Variants in NDUFB5 observed in about 807,000 individuals in gnomAD.
NDUFB5 encodes NADH:ubiquinone oxidoreductase subunit B5.
Under a neutral mutation model 19.4 loss-of-function variants are expected in NDUFB5, and 19 were observed. The ratio of observed to expected loss-of-function variants is 0.98; its 90% CI spans 0.68 to 1.43. NDUFB5 has a LOEUF of 1.43. Ranked by LOEUF, NDUFB5 falls within the 40% of genes most tolerant of loss-of-function variation. The pLI, the probability that NDUFB5 is intolerant of heterozygous loss-of-function variation, is 0.00. For synonymous variants in NDUFB5, 80 were observed against 82.6 expected, an observed-to-expected ratio of 0.97 and a Z score of 0.17; for missense variants, 233 against 236.5, an observed-to-expected ratio of 0.99 and a Z score of 0.10.
rs1269287870 is a variant in NDUFB5 at position 179,625,485 on chromosome 3, G to A, written c.*1445G>A. 1.3e-5 allele frequency: 2 copies of A among 152,080 alleles called. No individual in the cohort carries two copies. The highest frequency in any genetic ancestry group is 4.8e-5 in the African/African-American group (2 of 41,418). 9.4% of individuals were successfully genotyped at this position (152,080 alleles called of 1,614,324 possible). Reference sequence around the variant, plus strand: ...TGCTATTTTGATACATGTATGCAAAGTATAATGGTCAAATCAGGGTATTTG... The same window carrying A: ...TGCTATTTTGATACATGTATGCAAAATATAATGGTCAAATCAGGGTATTTG... On this transcript the variant is annotated 3_prime_UTR_variant, in exon 6 of 6. Transcript: ENST00000259037.
chr3:179,605,162 A>G (rs1174437577), intron 1 of NDUFB5, among the ~76,000 whole-genome samples: 21 of 152,148 alleles, frequency 1.4e-4, no homozygotes, highest in Admixed American at 1.4e-3. Context: ...GTTATTCACC[A>G]TCCCAATTAA....
At chr3:179,623,156 C>T (rs1017640368) in intron 5 of NDUFB5, among the ~76,000 whole-genome samples, 1 of 152,190 alleles carries the variant, frequency 6.6e-6, no homozygotes, top group Non-Finnish European at 1.5e-5. Flanking sequence ...TGGTGATAGG[C>T]AGACACAAGA....
Position 179,624,402 on chromosome 3 carries a change from G to A in NDUFB5, c.*362G>A, listed in dbSNP as rs1279061801. 1 of 156,164 alleles carries A rather than the reference G, an allele frequency of 6.4e-6. No individual in the cohort carries two copies. The allele number at this position is 156,164 out of a possible 1,614,324, so 9.7% of individuals were successfully genotyped here. ...GTACTGTAGATGTCTGTATTATTGA[G>A]GGGCAACTCAGGATTTTAAGTTCCA... On this transcript the variant is annotated 3_prime_UTR_variant, in exon 6 of 6. Transcript: ENST00000259037.
In NDUFB5 at chr3:179,625,540, A is replaced by G. The variant is rs1398583009; in HGVS notation, c.*1500A>G. On this transcript the variant is annotated 3_prime_UTR_variant, in exon 6 of 6. Transcript: ENST00000259037. ...TACATATATTTCAAAATATAGTTAT[A>G]TATTTCAAAATAAGATATAGCAAGT... 2 of 152,210 alleles carry G rather than the reference A, an allele frequency of 1.3e-5. No homozygotes were observed. The highest frequency in any genetic ancestry group is 1.9e-4 in the East Asian group (1 of 5,206). 9.4% of individuals were successfully genotyped at this position (152,210 alleles called of 1,614,324 possible).
intron 4 of NDUFB5, 108 bp from the exon 5 acceptor site, chr3:179,618,307 G>C (rs1486279256): frequency 3.2e-6 from 2 of 631,136 alleles, no homozygotes; most frequent in Non-Finnish European, 5.5e-6. Flanking sequence ...TTACATAGTA[G>C]ATGTTACTGG....
At chr3:179,615,572 G>GTA in intron 2 of NDUFB5, 1 of 463,450 alleles carries the variant, frequency 2.2e-6, no homozygotes, top group Non-Finnish European at 4.3e-6. Flanking sequence ...TACGAACAAA[G>GTA]TAGAGGCTTA....
intron 4 of NDUFB5, chr3:179,618,206 G>A (rs375653125): frequency 6.6e-4 from 262 of 396,264 alleles, no homozygotes; most frequent in African/African-American, 4.0e-3. Context: ...TATTAGCTAC[G>A]TAACTTTGTG....
At chr3:179,613,228 C>T (rs1363255455) in intron 1 of NDUFB5, among the ~76,000 whole-genome samples, 1 of 152,148 alleles carries the variant, frequency 6.6e-6, no homozygotes, top group East Asian at 1.9e-4. Flanking sequence ...GATCTCTTTG[C>T]CAGGTTACTG....
At chr3:179,620,149 G>C (rs1274972325) in intron 5 of NDUFB5, among the ~76,000 whole-genome samples, 5 of 152,082 alleles carry the variant, frequency 3.3e-5, no homozygotes, top group Non-Finnish European at 7.4e-5. Context: ...TCTGTAGGTT[G>C]CCTGTTCACT....
intron 1 of NDUFB5, chr3:179,607,910 G>C (rs1719145371): frequency 1.5e-6 from 1 of 666,678 alleles, no homozygotes; most frequent in East Asian, 2.7e-5. Context: ...CCTTTTTAAA[G>C]CTGAATTGTC....
At chr3:179,613,604 G>A (rs941036359) in intron 1 of NDUFB5, among the ~76,000 whole-genome samples, 1 of 152,150 alleles carries the variant, frequency 6.6e-6, no homozygotes, top group Admixed American at 6.6e-5. Flanking sequence ...GTATGTTTCA[G>A]ATGATTTGCT....
rs3832244 is a variant in NDUFB5 at position 179,624,604 on chromosome 3, C to CACACACACACACAT, written c.*564_*565insACACACACACACAT. On this transcript the variant is annotated 3_prime_UTR_variant, in exon 6 of 6. Transcript: ENST00000259037. ...ACACACACACACACACACACACACA[C>CACACACACACACAT]GCTCTTTTCCTAGATGCAATCTCTG... is the stretch of plus-strand genomic sequence containing the variant. The CACACACACACACAT allele has an allele frequency of 1.3e-5, 2 of 150,072 alleles. No individual in the cohort carries two copies. Among genetic ancestry groups the CACACACACACACAT allele is most frequent in the Admixed American group, 6.7e-5 (1 of 14,836 alleles). 9.3% of individuals were successfully genotyped at this position (150,072 alleles called of 1,614,324 possible).
In NDUFB5 at chr3:179,616,123, AAG is replaced by A. The variant is rs1166064802; in HGVS notation, c.280+76_280+77del. The stretch of plus-strand genomic sequence containing the variant: ...TAAACATATGTACATTAATATAAAA[AAG>A]AAATTATGGATATTGTAATGAAAAG... On this transcript the variant is annotated intron_variant, in intron 3 of 5. Coordinates refer to ENST00000259037, the MANE Select transcript of NDUFB5 (RefSeq NM_002492.4). 11 of 1,039,498 alleles carry A rather than the reference AAG, an allele frequency of 1.1e-5. No homozygotes were observed. The East Asian group carries it at 2.6e-4, about 24-fold the overall frequency. The allele number at this position is 1,039,498 out of a possible 1,614,324, so 64.4% of individuals were successfully genotyped here.
chr3:179,612,477 T>C (rs1259138050), intron 1 of NDUFB5, among the ~76,000 whole-genome samples: 1 of 128,032 alleles, frequency 7.8e-6, no homozygotes, highest in Non-Finnish European at 1.5e-5. Context: ...CATTAAACCT[T>C]TTTTTTTTTT....
intron 5 of NDUFB5, among the ~76,000 whole-genome samples, chr3:179,623,656 C>A (rs558841798): frequency 6.6e-6 from 1 of 151,980 alleles, no homozygotes; most frequent in Admixed American, 6.6e-5. Flanking sequence ...CCTGGGCAAC[C>A]GTGCAAGACT....
intron 5 of NDUFB5, among the ~76,000 whole-genome samples, chr3:179,621,292 G>C (rs897087635): frequency 3.9e-5 from 6 of 152,026 alleles, no homozygotes; most frequent in Non-Finnish European, 8.8e-5. Context: ...TGCCTAGGCT[G>C]CTCTCAAACA....
intron 1 of NDUFB5, among the ~76,000 whole-genome samples, chr3:179,608,381 TG>T (rs1184354567): frequency 2.6e-5 from 4 of 151,984 alleles, no homozygotes; most frequent in African/African-American, 9.7e-5. Context: ...TTAGTAGAGA[TG>T]GGTTTTCACC....
chr3:179,604,961 A>G (rs1384539571), intron 1 of NDUFB5, 22 bp downstream of exon 1: 2 of 1,542,670 alleles, frequency 1.3e-6, no homozygotes, highest in East Asian at 4.6e-5. Context: ...CCTAGGGAGA[A>G]CGGGCGTGAA....
At chr3:179,607,861 A>T (rs1251693169) in intron 1 of NDUFB5, 1 of 696,926 alleles carries the variant, frequency 1.4e-6, no homozygotes, top group African/African-American at 1.8e-5. Context: ...TAATATCCCC[A>T]AGGCATATTT....
Sources: gnomAD v4.1 joint callset for allele counts (sites outside exome capture counted in the v4.1 genomes callset) on GRCh38, gnomAD v4.1.1 for gene constraint, MANE v1.5 for transcripts, NCBI Gene and HGNC (gene_info 2026-07-23, HGNC 2026-07-21) for gene names.